The following ADIPOR2 variants were observed in gnomAD, a reference collection of about 807,000 sequenced individuals.
ADIPOR2 encodes adiponectin receptor protein 2.
In ADIPOR2, 18 loss-of-function variants were observed where a neutral mutation model predicts 40.9. The observed-to-expected ratio is 0.44, with a 90% CI of 0.30 to 0.65. The LOEUF (loss-of-function observed/expected upper bound fraction) is 0.65, where lower values mean the gene tolerates loss of function less well. Among genes scored for constraint, ADIPOR2 ranks in the 30% least tolerant of loss-of-function variants. ADIPOR2 has a pLI of 0.09. For synonymous variants in ADIPOR2, 165 were observed against 166.4 expected, an observed-to-expected ratio of 0.99 and a Z score of 0.06; for missense variants, 283 against 479.2, an observed-to-expected ratio of 0.59 and a Z score of 3.82.
chr12:1,786,071 G>A lies in ADIPOR2; in HGVS notation c.1160G>A (p.Ter387=). ...GGCTGCAGTGAAGAGGATGCACTGTGATACCTACCAGTCTCCAGGGACTAT... is the reference window on the plus strand; with the variant it reads ...GGCTGCAGTGAAGAGGATGCACTGTAATACCTACCAGTCTCCAGGGACTAT... ...GGGCSEEDAL[*] is the part of the protein sequence containing the mutation. The change falls in exon 8 of 8, where the codon TGA becomes TAA. Residue 387 remains the stop codon, a stop_retained_variant. Coordinates refer to ENST00000357103, the MANE Select transcript of ADIPOR2 (RefSeq NM_024551.3). 6.2e-7 allele frequency: 1 copy of A among 1,613,564 alleles called. No individual in the cohort carries two copies. The highest frequency in any genetic ancestry group is 8.5e-7 in the Non-Finnish European group (1 of 1,179,934).
chr12:1,771,290 G>A (rs898293670), intron 2 of ADIPOR2, among the ~76,000 whole-genome samples: 3 of 152,162 alleles, frequency 2.0e-5, no homozygotes, highest in African/African-American at 7.2e-5. Context: ...CTTGAGGCCA[G>A]GAGGTTGAGG....
intron 1 of ADIPOR2, among the ~76,000 whole-genome samples, chr12:1,702,344 T>C (rs2094652107): frequency 6.6e-6 from 1 of 152,160 alleles, no homozygotes. Flanking sequence ...CTGAAGATTT[T>C]GGAGGTTATG....
chr12:1,761,833 A>C (rs1862275921), intron 2 of ADIPOR2, among the ~76,000 whole-genome samples: 1 of 152,238 alleles, frequency 6.6e-6, no homozygotes, highest in South Asian at 2.1e-4. Flanking sequence ...TGTGCTGTCC[A>C]ATATATTCTT....
intron 4 of ADIPOR2, 47 bp from the exon 5 acceptor site, chr12:1,780,404 C>G (rs374098501): frequency 2.3e-5 from 34 of 1,509,802 alleles, no homozygotes; most frequent in Non-Finnish European, 2.9e-5. Flanking sequence ...AATACTGTCT[C>G]TTCTAAAGGG....
chr12:1,771,487 A>G lies in ADIPOR2; in HGVS notation c.172-1355A>G, dbSNP rs878994947. ...AGTTAAAGAAGGGTTTTAAATAGGA[A>G]CTATGAAGGTTAGTCATTGAAGGAT... On this transcript the variant is annotated intron_variant, in intron 2 of 7. Transcript: ENST00000357103. 4.6e-5 allele frequency among the ~76,000 whole-genome samples: 7 copies of G among 152,222 alleles called. 1 individual carries two copies. The highest frequency in any genetic ancestry group is 4.6e-4 in the Admixed American group (7 of 15,286).
At chr12:1,728,970 T>G (rs2094713968) in intron 1 of ADIPOR2, among the ~76,000 whole-genome samples, 2 of 151,026 alleles carry the variant, frequency 1.3e-5, no homozygotes, top group African/African-American at 4.9e-5. Flanking sequence ...TTTTTTTTTT[T>G]TTTTTTTTTT....
At chr12:1,750,154 C>CT (rs2094765873) in intron 1 of ADIPOR2, among the ~76,000 whole-genome samples, 1 of 151,822 alleles carries the variant, frequency 6.6e-6, no homozygotes, top group African/African-American at 2.4e-5. Context: ...CATATAGGGC[C>CT]TATACGTATT....
rs533424656 is a variant in ADIPOR2 at position 1,718,966 on chromosome 12, A to C, written c.-87+27775A>C. The stretch of plus-strand genomic sequence containing the variant: ...ATTTTCAAAATAATTTTAAGGAAAT[A>C]AACTGCTGTTTGATTCGAAATGATT... On this transcript the variant is annotated intron_variant, in intron 1 of 7. Coordinates refer to ENST00000357103, the MANE Select transcript of ADIPOR2 (RefSeq NM_024551.3). 3.3e-5 allele frequency among the ~76,000 whole-genome samples: 5 copies of C among 152,360 alleles called. No homozygotes were observed. In the East Asian group the frequency reaches 9.6e-4, roughly 29 times the overall value.
intron 1 of ADIPOR2, among the ~76,000 whole-genome samples, chr12:1,750,729 A>G (rs537999511): frequency 2.6e-5 from 4 of 152,268 alleles, no homozygotes; most frequent in Non-Finnish European, 4.4e-5. Flanking sequence ...TTATTTCATA[A>G]TGACCAAATA....
intron 1 of ADIPOR2, among the ~76,000 whole-genome samples, chr12:1,729,442 G>A (rs2094714999): frequency 6.6e-6 from 1 of 151,314 alleles, no homozygotes; most frequent in Non-Finnish European, 1.5e-5. Context: ...TTATCATAAA[G>A]CTTTTAAAAA....
chr12:1,737,127 A>T (rs1289889606), intron 1 of ADIPOR2, among the ~76,000 whole-genome samples: 4 of 152,228 alleles, frequency 2.6e-5, no homozygotes, highest in African/African-American at 9.6e-5. Context: ...TCAGGTTGTT[A>T]TGAAGAATAA....
chr12:1,728,990 A>G (rs907191568), intron 1 of ADIPOR2, among the ~76,000 whole-genome samples: 92 of 133,014 alleles, frequency 6.9e-4, no homozygotes, highest in African/African-American at 2.5e-3. Context: ...TTAACAAGAC[A>G]GTCATTTGTC....
chr12:1,722,704 C>T (rs533166132), intron 1 of ADIPOR2, among the ~76,000 whole-genome samples: 1 of 152,240 alleles, frequency 6.6e-6, no homozygotes, highest in East Asian at 1.9e-4. Context: ...TTTATACTTG[C>T]CTGGATACAG....
At chr12:1,734,243 C>G (rs1237872265) in intron 1 of ADIPOR2, among the ~76,000 whole-genome samples, 1 of 152,162 alleles carries the variant, frequency 6.6e-6, no homozygotes, top group Non-Finnish European at 1.5e-5. Flanking sequence ...TAAAAGTGTT[C>G]CTATTTCTCC....
At chr12:1,732,346 A>C (rs1197920043) in intron 1 of ADIPOR2, among the ~76,000 whole-genome samples, 1 of 152,190 alleles carries the variant, frequency 6.6e-6, no homozygotes, top group Non-Finnish European at 1.5e-5. Context: ...CCAACCACTG[A>C]TCTTTTTACT....
chr12:1,742,553 G>A (rs74642443), intron 1 of ADIPOR2, among the ~76,000 whole-genome samples: 23,110 of 152,124 alleles, frequency 0.15, 1,922 homozygotes, highest in African/African-American at 0.22. Context: ...GTATCCATGG[G>A]GGATTGGTTC....
chr12:1,738,150 A>G (rs2094735006), intron 1 of ADIPOR2, among the ~76,000 whole-genome samples: 1 of 138,886 alleles, frequency 7.2e-6, no homozygotes, highest in Non-Finnish European at 1.5e-5. Context: ...AGATGGATGG[A>G]TTGCTTGAGC....
Position 1,750,189 on chromosome 12 carries a change from T to G in ADIPOR2, c.-86-4069T>G, listed in dbSNP as rs562788951. 2.0e-5 allele frequency among the ~76,000 whole-genome samples: 3 copies of G among 152,148 alleles called. No individual in the cohort carries two copies. The South Asian group carries it at 6.2e-4, about 31-fold the overall frequency. On this transcript the variant is annotated intron_variant, in intron 1 of 7. Transcript: ENST00000357103. Reference sequence around the variant, plus strand: ...TTTGCTAAGCGTATACTTAAAGTATTTAATTTTCTATGGAGCAGTTGTAAA... The same window carrying G: ...TTTGCTAAGCGTATACTTAAAGTATGTAATTTTCTATGGAGCAGTTGTAAA...
intron 1 of ADIPOR2, among the ~76,000 whole-genome samples, chr12:1,714,943 C>CAG (rs1004375173): frequency 3.3e-5 from 5 of 151,622 alleles, no homozygotes; most frequent in South Asian, 2.1e-4. Flanking sequence ...TGCTTTAAAT[C>CAG]AGAGAGAGAG....
Sources: gnomAD v4.1 joint callset for allele counts (sites outside exome capture counted in the v4.1 genomes callset) on GRCh38, gnomAD v4.1.1 for gene constraint, MANE v1.5 for transcripts, NCBI Gene and HGNC (gene_info 2026-07-23, HGNC 2026-07-21) for gene names.